FGD2: variants seen among roughly 807,000 people sequenced by gnomAD.
The protein encoded by FGD2 is FYVE, RhoGEF and PH domain-containing protein 2.
In FGD2, 52 loss-of-function variants were observed where a neutral mutation model predicts 75.9. The ratio of observed to expected loss-of-function variants is 0.69; its 90% CI spans 0.55 to 0.86. FGD2 has a LOEUF of 0.86. Among genes scored for constraint, FGD2 ranks in the 40% least tolerant of loss-of-function variants. FGD2 has a pLI of 0.00. For synonymous variants in FGD2, 347 were observed against 348.6 expected (o/e 1.00, Z 0.05); for missense variants, 790 against 872.0 (o/e 0.91, Z 1.18).
intron 13 of FGD2, chr6:37,025,292 G>T (rs1324892238): frequency 6.3e-6 from 1 of 159,202 alleles, no homozygotes. Context: ...TGTGGGACTT[G>T]AAAGACACAC....
chr6:37,024,356 A>G (rs1335175396), intron 13 of FGD2: 2 of 152,180 alleles, frequency 1.3e-5, no homozygotes, highest in East Asian at 1.9e-4. Flanking sequence ...AATAAAAATA[A>G]TAATATTGTA....
chr6:37,020,998 A>ATG (rs974528500), intron 11 of FGD2, among the ~76,000 whole-genome samples: 1 of 147,490 alleles, frequency 6.8e-6, no homozygotes, highest in Admixed American at 6.7e-5. Flanking sequence ...GTGTGCATGC[A>ATG]TGTGTGTGCG....
At position 37,017,430 on chromosome 6, in the gene FGD2, G is replaced by A. The variant is rs572015640; in HGVS notation, c.1122+1570G>A. Among the ~76,000 whole-genome samples, 12 of 152,324 alleles carry A rather than the reference G, an allele frequency of 7.9e-5. No individual in the cohort carries two copies. In the South Asian group the frequency reaches 1.2e-3, roughly 16 times the overall value. On this transcript the variant is annotated intron_variant, in intron 9 of 15. Transcript: ENST00000274963. Reference sequence around the variant, plus strand: ...AAGGTCATATCGCAAATGCTAGTTCGAGTGACCAAGCCAGGATTCAGATGC... The same window carrying A: ...AAGGTCATATCGCAAATGCTAGTTCAAGTGACCAAGCCAGGATTCAGATGC...
At chr6:37,026,521 GGTGCTCCCCTGTGGGGGTACAACT>G (rs1279427685) in intron 14 of FGD2, among the ~76,000 whole-genome samples, 1 of 151,054 alleles carries the variant, frequency 6.6e-6, no homozygotes, top group Non-Finnish European at 1.5e-5. Flanking sequence ...TGCCCCCACA[GGTGCTCCCCTGTGGGGGTACAACT>G]GTGCTCAGCT....
chr6:37,024,647 A>G (rs1358061075), intron 13 of FGD2: 5 of 152,218 alleles, frequency 3.3e-5, no homozygotes, highest in Non-Finnish European at 1.5e-5. Flanking sequence ...ACGTTGGTAG[A>G]GGAAAAAATA....
chr6:37,013,413 C>A, intron 4 of FGD2, 196 bp from the exon 5 acceptor site: 7 of 1,392,650 alleles, frequency 5.0e-6, no homozygotes, highest in Non-Finnish European at 5.6e-6. Context: ...ACCAGAACAG[C>A]CTTTGGCCTC....
At chr6:37,015,966 T>C in intron 9 of FGD2, 106 bp downstream of exon 9, 1 of 1,026,962 alleles carries the variant, frequency 9.7e-7, no homozygotes, top group Non-Finnish European at 1.4e-6. Context: ...ACCAAACCCT[T>C]GCAGGGCCTG....
intron 14 of FGD2, among the ~76,000 whole-genome samples, chr6:37,026,781 C>T (rs1393757283): frequency 1.3e-5 from 2 of 151,724 alleles, no homozygotes; most frequent in Admixed American, 6.6e-5. Context: ...GGATGGATCA[C>T]GTGCGGTCAG....
In FGD2 at chr6:37,011,794, C is replaced by G. The variant is rs1419289762; in HGVS notation, c.467C>G (p.Ser156Cys). 1 of 1,614,192 alleles carries G rather than the reference C, an allele frequency of 6.2e-7. No homozygotes were observed. The highest frequency in any genetic ancestry group is 8.5e-7 in the Non-Finnish European group (1 of 1,180,032). Residue 156 changes from serine to cysteine, a missense_variant, in exon 4 of 16, where the codon TCC becomes TGC. Coordinates refer to ENST00000274963, the MANE Select transcript of FGD2 (RefSeq NM_173558.4). ...VVRVIFSNIS[S>C]IYQFHSQFFL... Reference sequence around the variant, plus strand: ...AGGGTCATCTTCTCCAACATCTCCTCCATCTATCAGTTCCATTCTCAGTTC... The same window carrying G: ...AGGGTCATCTTCTCCAACATCTCCTGCATCTATCAGTTCCATTCTCAGTTC...
intron 13 of FGD2, 185 bp from the exon 14 acceptor site, chr6:37,025,607 C>T (rs1765779766): frequency 1.6e-6 from 1 of 629,012 alleles, no homozygotes; most frequent in East Asian, 2.8e-5. Context: ...GTGTCGCAGC[C>T]TCCAGGCAGT....
rs765862485 is a variant in FGD2 at position 37,005,787 on chromosome 6, G to A, written c.-31G>A. The A allele has an allele frequency of 3.1e-6, 5 of 1,612,152 alleles. No homozygotes were observed. Among genetic ancestry groups the A allele is most frequent in the Non-Finnish European group, 4.2e-6 (5 of 1,179,386 alleles). On this transcript the variant is annotated 5_prime_UTR_variant, in exon 1 of 16. Transcript: ENST00000274963. The stretch of plus-strand genomic sequence containing the variant: ...GGAGGCCTCTCTCTCTGCTTCGAGG[G>A]TAGCTGAGATCCACCCCGGAAACCG...
In FGD2 at chr6:37,022,248, G is replaced by A; in HGVS notation, c.1336G>A (p.Glu446Lys). The A allele has an allele frequency of 1.3e-6, 2 of 1,597,736 alleles. No homozygotes were observed. Among genetic ancestry groups the A allele is most frequent in the Non-Finnish European group, 1.7e-6 (2 of 1,171,710 alleles). Reference protein sequence around the residue: ...GDIQEQELQSEELGLRAPQWV... With the variant: ...GDIQEQELQSKELGLRAPQWV... ...TCCCCTTAACCCACAGCTGCAGTCTGAGGAGCTGGGCCTCCGGGCACCGCA... is the reference window on the plus strand; with the variant it reads ...TCCCCTTAACCCACAGCTGCAGTCTAAGGAGCTGGGCCTCCGGGCACCGCA... Residue 446 changes from glutamate to lysine, a missense_variant, in exon 13 of 16, where the codon GAG (glutamate) becomes AAG (lysine). Coordinates refer to ENST00000274963, the MANE Select transcript of FGD2 (RefSeq NM_173558.4).
intron 11 of FGD2, among the ~76,000 whole-genome samples, chr6:37,021,018 GTA>G (rs1359949040): frequency 6.6e-6 from 1 of 150,636 alleles, no homozygotes; most frequent in East Asian, 1.9e-4. Context: ...GTGTGTACAT[GTA>G]TGTGTGTATG....
intron 14 of FGD2, chr6:37,026,345 C>T: frequency 1.0e-6 from 1 of 985,428 alleles, no homozygotes; most frequent in Non-Finnish European, 1.2e-6. Flanking sequence ...ATTGGAGACT[C>T]CATTCTAACT....
intron 4 of FGD2, among the ~76,000 whole-genome samples, chr6:37,012,343 A>G (rs1765051831): frequency 6.6e-6 from 1 of 152,240 alleles, no homozygotes. Flanking sequence ...TTTGGCAAAG[A>G]AGAATGCTAG....
chr6:37,010,216 C>G (rs1764942084), intron 2 of FGD2, among the ~76,000 whole-genome samples: 1 of 152,072 alleles, frequency 6.6e-6, no homozygotes, highest in Non-Finnish European at 1.5e-5. Context: ...GGCTGGAAGG[C>G]CAAGTTCAAG....
intron 8 of FGD2, 109 bp downstream of exon 8, chr6:37,015,147 A>G: frequency 7.1e-7 from 1 of 1,399,030 alleles, no homozygotes; most frequent in Non-Finnish European, 9.5e-7. Flanking sequence ...GGGGACAGGG[A>G]AGAGAACGCT....
chr6:37,010,935 C>A, intron 2 of FGD2, 38 bp from the exon 3 acceptor site: 1 of 1,600,644 alleles, frequency 6.2e-7, no homozygotes, highest in African/African-American at 1.3e-5. Flanking sequence ...AGCTGTCTTC[C>A]CCCTTTTTCT....
At chr6:37,006,018 G>A (rs1305971189) in intron 1 of FGD2, 133 bp downstream of exon 1, 5 of 990,752 alleles carry the variant, frequency 5.0e-6, no homozygotes, top group African/African-American at 3.2e-5. Flanking sequence ...CTCGGTCACG[G>A]ATTCCTTGGA....
Sources: gnomAD v4.1 joint callset for allele counts (sites outside exome capture counted in the v4.1 genomes callset) on GRCh38, gnomAD v4.1.1 for gene constraint, MANE v1.5 for transcripts, NCBI Gene and HGNC (gene_info 2026-07-23, HGNC 2026-07-21) for gene names.